The following GRIN2B variants were observed in gnomAD, a reference collection of about 807,000 sequenced individuals.
The protein encoded by GRIN2B is glutamate receptor ionotropic, NMDA 2B.
A neutral mutation model predicts 114.5 loss-of-function variants in GRIN2B; 5 were observed. The observed-to-expected ratio is 0.04, with a 90% CI of 0.02 to 0.09. The LOEUF (loss-of-function observed/expected upper bound fraction) is 0.09, where lower values mean the gene tolerates loss of function less well. Ranked by LOEUF, GRIN2B falls within the 10% of genes least tolerant of loss-of-function variation. The pLI, the probability that GRIN2B is intolerant of heterozygous loss-of-function variation, is 1.00. For synonymous variants in GRIN2B, 787 were observed against 745.1 expected, an observed-to-expected ratio of 1.06 and a Z score of -0.92; for missense variants, 1,108 against 1,943.5, an observed-to-expected ratio of 0.57 and a Z score of 8.08.
intron 2 of GRIN2B, among the ~76,000 whole-genome samples, chr12:13,929,779 A>T (rs1162842998): frequency 1.3e-5 from 2 of 152,198 alleles, no homozygotes; most frequent in African/African-American, 4.8e-5. Context: ...TAATTTCTTC[A>T]TCTGCAAAAT....
intron 3 of GRIN2B, among the ~76,000 whole-genome samples, chr12:13,788,503 A>G (rs1360101342): frequency 1.3e-5 from 2 of 152,210 alleles, no homozygotes; most frequent in African/African-American, 4.8e-5. Context: ...TGCTCACAAG[A>G]GAGCCTTGGA....
intron 3 of GRIN2B, among the ~76,000 whole-genome samples, chr12:13,790,269 C>T (rs1864298199): frequency 6.6e-6 from 1 of 152,130 alleles, no homozygotes. Flanking sequence ...CACAGCACCC[C>T]ATCTTTCTGC....
At chr12:13,890,895 G>T (rs1167550668) in intron 2 of GRIN2B, among the ~76,000 whole-genome samples, 1 of 152,132 alleles carries the variant, frequency 6.6e-6, no homozygotes, top group African/African-American at 2.4e-5. Flanking sequence ...ACAACTTTGA[G>T]GCTGCAAAGT....
chr12:13,877,572 C>T (rs1866009119), intron 2 of GRIN2B, among the ~76,000 whole-genome samples: 1 of 152,148 alleles, frequency 6.6e-6, no homozygotes, highest in African/African-American at 2.4e-5. Flanking sequence ...TCTCCTTTCT[C>T]CCAAATTATA....
In GRIN2B at chr12:13,545,533, AAAC is replaced by A. The variant is rs1255293377; in HGVS notation, c.*17247_*17249del. On this transcript the variant is annotated 3_prime_UTR_variant, in exon 14 of 14. Coordinates refer to ENST00000609686, the MANE Select transcript of GRIN2B (RefSeq NM_000834.5). ...ATATCCCCAAAATAAGAGCTCCAGT[AAAC>A]AAAACAATGCAAGCAAGGAAACAAC... 6.6e-6 allele frequency: 1 copy of A among 152,178 alleles called. No individual in the cohort carries two copies. The highest frequency in any genetic ancestry group is 1.5e-5 in the Non-Finnish European group (1 of 68,034). The allele number at this position is 152,178 out of a possible 1,614,324, so 9.4% of individuals were successfully genotyped here.
At chr12:13,638,267 C>G (rs1186577425) in intron 5 of GRIN2B, among the ~76,000 whole-genome samples, 1 of 152,026 alleles carries the variant, frequency 6.6e-6, no homozygotes, top group Non-Finnish European at 1.5e-5. Flanking sequence ...CACAAGGTTA[C>G]TGAAAGAAAA....
intron 3 of GRIN2B, among the ~76,000 whole-genome samples, chr12:13,829,429 G>A (rs942777624): frequency 2.6e-5 from 4 of 152,186 alleles, no homozygotes; most frequent in Non-Finnish European, 5.9e-5. Context: ...AGAACATAGA[G>A]ATAGGCTTGT....
intron 2 of GRIN2B, among the ~76,000 whole-genome samples, chr12:13,930,204 TA>T (rs1462149785): frequency 6.6e-6 from 1 of 152,132 alleles, no homozygotes; most frequent in East Asian, 1.9e-4. Flanking sequence ...GATAAATAAA[TA>T]AATAAATAAT....
intron 4 of GRIN2B, among the ~76,000 whole-genome samples, chr12:13,731,462 G>C (rs540535717): frequency 2.0e-5 from 3 of 152,050 alleles, no homozygotes; most frequent in Non-Finnish European, 4.4e-5. Flanking sequence ...TTAGCTGGGC[G>C]TGGTGGTGGG....
intron 4 of GRIN2B, among the ~76,000 whole-genome samples, chr12:13,724,273 A>C (rs1428370001): frequency 2.0e-5 from 3 of 152,132 alleles, no homozygotes; most frequent in Admixed American, 1.3e-4. Context: ...ATGAATATCT[A>C]GGAGGAAATA....
chr12:13,706,116 G>A (rs76926751), intron 4 of GRIN2B, among the ~76,000 whole-genome samples: 1 of 152,066 alleles, frequency 6.6e-6, no homozygotes, highest in Non-Finnish European at 1.5e-5. Context: ...GCAGGCTTTG[G>A]TAATCATCTA....
intron 4 of GRIN2B, among the ~76,000 whole-genome samples, chr12:13,736,118 C>G (rs1250036299): frequency 8.9e-6 from 1 of 112,232 alleles, no homozygotes; most frequent in African/African-American, 3.6e-5. Context: ...CATGAACTAT[C>G]ATCTCCCATA....
At chr12:13,701,513 C>CAAAAAAAAA (rs10536664) in intron 4 of GRIN2B, among the ~76,000 whole-genome samples, 2 of 130,786 alleles carry the variant, frequency 1.5e-5, no homozygotes, top group Non-Finnish European at 1.6e-5. Context: ...TTCAGTGGCA[C>CAAAAAAAAA]AAAAAAAAAA....
intron 8 of GRIN2B, among the ~76,000 whole-genome samples, chr12:13,613,011 G>A (rs1949384829): frequency 6.6e-6 from 1 of 152,182 alleles, no homozygotes; most frequent in Non-Finnish European, 1.5e-5. Context: ...AACTCCCAAA[G>A]GAATTGTAAA....
intron 5 of GRIN2B, among the ~76,000 whole-genome samples, chr12:13,663,877 G>A (rs1367029769): frequency 6.6e-6 from 1 of 152,124 alleles, no homozygotes; most frequent in African/African-American, 2.4e-5. Context: ...CAAGTAAAAT[G>A]ATAGTGAACA....
chr12:13,787,593 C>T (rs1284630549), intron 3 of GRIN2B, among the ~76,000 whole-genome samples: 1 of 152,180 alleles, frequency 6.6e-6, no homozygotes, highest in Non-Finnish European at 1.5e-5. Context: ...AGAAAAAAAG[C>T]AAGGAATTTA....
intron 3 of GRIN2B, among the ~76,000 whole-genome samples, chr12:13,806,294 C>A (rs576130277): frequency 1.3e-5 from 2 of 152,066 alleles, no homozygotes; most frequent in East Asian, 3.9e-4. Context: ...TCTTGAGGAA[C>A]CTCCAAATTG....
At chr12:13,646,172 AAAGT>A (rs1420795055) in intron 5 of GRIN2B, among the ~76,000 whole-genome samples, 2 of 152,130 alleles carry the variant, frequency 1.3e-5, no homozygotes, top group Admixed American at 6.6e-5. Flanking sequence ...TGATTTACAA[AAAGT>A]AATTCAAAGA....
At position 13,871,508 on chromosome 12, in the gene GRIN2B, C is replaced by T. The variant is rs903327729; in HGVS notation, c.-18-5282G>A. Among the ~76,000 whole-genome samples the T allele has an allele frequency of 3.3e-5, 5 of 151,626 alleles. No individual in the cohort carries two copies. In the South Asian group the frequency reaches 8.3e-4, roughly 25 times the overall value. ...CAGAATTTCTAGAGCACAATTAAAG[C>T]ATTTACAGAGAAAAATACACTTTTA... On this transcript the variant is annotated intron_variant, in intron 2 of 13. Coordinates refer to ENST00000609686, the MANE Select transcript of GRIN2B (RefSeq NM_000834.5).
Sources: allele counts gnomAD v4.1 joint callset (sites outside exome capture counted in the v4.1 genomes callset), GRCh38; gene constraint gnomAD v4.1.1; transcripts MANE v1.5; gene names NCBI Gene and HGNC (gene_info 2026-07-23, HGNC 2026-07-21).